The following PTPRD variants were observed in gnomAD, a reference collection of about 807,000 sequenced individuals.
PTPRD encodes the protein receptor-type tyrosine-protein phosphatase delta.
A neutral mutation model predicts 214.5 loss-of-function variants in PTPRD; 34 were observed. The ratio of observed to expected loss-of-function variants is 0.16; its 90% CI spans 0.12 to 0.21. The LOEUF is 0.21. Among genes scored for constraint, PTPRD ranks in the 10% least tolerant of loss-of-function variants. The pLI, the probability that PTPRD is intolerant of heterozygous loss-of-function variation, is 1.00. For synonymous variants in PTPRD, 1,128 were observed against 845.7 expected (o/e 1.33, Z -5.79); for missense variants, 2,545 against 2,398.7 (o/e 1.06, Z -1.27).
intron 3 of PTPRD, among the ~76,000 whole-genome samples, chr9:10,185,667 C>T (rs2099327105): frequency 3.9e-5 from 6 of 152,062 alleles, no homozygotes; most frequent in Admixed American, 3.9e-4. Context: ...TTTTAAATGT[C>T]AGTTATCTTC....
intron 4 of PTPRD, among the ~76,000 whole-genome samples, chr9:9,986,690 A>G (rs2095721640): frequency 6.6e-6 from 1 of 152,188 alleles, no homozygotes; most frequent in Non-Finnish European, 1.5e-5. Flanking sequence ...AAGGCATTCA[A>G]CTGGGTTAAC....
Position 8,683,863 on chromosome 9 carries a change from G to A in PTPRD, c.65-47019C>T, listed in dbSNP as rs543299934. On this transcript the variant is annotated intron_variant, in intron 12 of 45. Coordinates refer to ENST00000381196, the MANE Select transcript of PTPRD (RefSeq NM_002839.4). ...AGAACCAGGAGTCCTGGGCTAAGAC[G>A]TAAGGGTTCCAACTACTCCGAAGCT... 5.3e-5 allele frequency among the ~76,000 whole-genome samples: 8 copies of A among 152,286 alleles called. No individual in the cohort carries two copies. The South Asian group carries it at 1.7e-3, about 32-fold the overall frequency.
chr9:9,199,566 A>G (rs1296214250), intron 9 of PTPRD, among the ~76,000 whole-genome samples: 3 of 152,340 alleles, frequency 2.0e-5, no homozygotes, highest in Non-Finnish European at 4.4e-5. Flanking sequence ...AGTGTTATAA[A>G]GGAAACCAAG....
intron 12 of PTPRD, chr9:8,713,500 T>C: frequency 8.7e-7 from 1 of 1,149,120 alleles, no homozygotes; most frequent in South Asian, 1.2e-5. Flanking sequence ...GACTGTCTAC[T>C]GTGGTCAGGT....
At chr9:10,172,149 A>T (rs750786428) in intron 3 of PTPRD, among the ~76,000 whole-genome samples, 19 of 152,178 alleles carry the variant, frequency 1.2e-4, no homozygotes, top group Non-Finnish European at 2.4e-4. Flanking sequence ...CAACTGAAAA[A>T]GTTACTTGGT....
chr9:8,690,060 A>T (rs2097770843), intron 12 of PTPRD, among the ~76,000 whole-genome samples: 1 of 151,054 alleles, frequency 6.6e-6, no homozygotes, highest in African/African-American at 2.4e-5. Flanking sequence ...GTAAGCCAAG[A>T]TTGTACCACT....
chr9:10,344,866 C>T (rs117267666), intron 2 of PTPRD, among the ~76,000 whole-genome samples: 1,716 of 152,086 alleles, frequency 0.011, 11 homozygotes, highest in Middle Eastern at 0.027. Flanking sequence ...AAAAAGCAAA[C>T]CAAAATCAGA....
chr9:8,683,118 G>T (rs1231224107), intron 12 of PTPRD, among the ~76,000 whole-genome samples: 1 of 152,122 alleles, frequency 6.6e-6, no homozygotes, highest in Non-Finnish European at 1.5e-5. Flanking sequence ...AGAGCAGCAG[G>T]CTTGGAAGAA....
At chr9:9,079,859 T>C (rs145115237) in intron 10 of PTPRD, among the ~76,000 whole-genome samples, 26 of 152,172 alleles carry the variant, frequency 1.7e-4, no homozygotes, top group African/African-American at 5.8e-4. Context: ...TTTCATCCAG[T>C]TCATGAGTTT....
At chr9:9,239,333 GA>G (rs1375865771) in intron 9 of PTPRD, among the ~76,000 whole-genome samples, 10 of 152,062 alleles carry the variant, frequency 6.6e-5, no homozygotes, top group African/African-American at 2.2e-4. Context: ...ATAAAAGTAG[GA>G]ATGTCTTCTG....
chr9:9,452,205 A>G (rs1401271127), intron 8 of PTPRD, among the ~76,000 whole-genome samples: 3 of 151,506 alleles, frequency 2.0e-5, no homozygotes, highest in Non-Finnish European at 3.0e-5. Context: ...ATTTAAACCA[A>G]TAACTATCAT....
At chr9:8,631,595 C>T (rs956391062) in intron 14 of PTPRD, among the ~76,000 whole-genome samples, 2 of 151,702 alleles carry the variant, frequency 1.3e-5, no homozygotes, top group African/African-American at 4.8e-5. Flanking sequence ...ACTATTTGGT[C>T]CTGAGTATTG....
intron 11 of PTPRD, among the ~76,000 whole-genome samples, chr9:8,945,331 C>G (rs1056425940): frequency 4.4e-5 from 5 of 112,552 alleles, no homozygotes; most frequent in African/African-American, 1.4e-4. Flanking sequence ...GGAAAAAAAT[C>G]TCTTTCCTTC....
chr9:9,745,548 A>T (rs752391094), intron 6 of PTPRD, among the ~76,000 whole-genome samples: 4 of 152,144 alleles, frequency 2.6e-5, no homozygotes, highest in Non-Finnish European at 5.9e-5. Context: ...CTGTGTTCCC[A>T]TGATTTTTAT....
chr9:8,477,347 T>G (rs907038273), intron 30 of PTPRD, among the ~76,000 whole-genome samples: 6 of 152,164 alleles, frequency 3.9e-5, no homozygotes, highest in African/African-American at 1.4e-4. Flanking sequence ...CCCAGTATAT[T>G]AGATTTAATT....
At position 8,504,418 on chromosome 9, in the gene PTPRD, A is replaced by AG; in HGVS notation, c.1678-14dup. 3 of 1,614,066 alleles carry AG rather than the reference A, an allele frequency of 1.9e-6. No homozygotes were observed. The East Asian group carries it at 6.7e-5, about 36-fold the overall frequency. On this transcript the variant is annotated splice_polypyrimidine_tract_variant and intron_variant, in intron 22 of 45. Coordinates refer to ENST00000381196, the MANE Select transcript of PTPRD (RefSeq NM_002839.4). ...TGGTAATTCGTTGCTGGAAGCAATA[A>AG]GAGAATGTGGTCATCTTCATTAAGG...
chr9:9,300,494 T>C lies in PTPRD; in HGVS notation c.-203+96955A>G, dbSNP rs553408670. 1.8e-4 allele frequency among the ~76,000 whole-genome samples: 28 copies of C among 151,960 alleles called. No homozygotes were observed. The Middle Eastern group carries it at 0.017, about 92-fold the overall frequency. Reference sequence around the variant, plus strand: ...CTGACAGCAATGGACTGAATGTTTGTGTTCCCCCCAAATTCATGTGTTGAA... The same window carrying C: ...CTGACAGCAATGGACTGAATGTTTGCGTTCCCCCCAAATTCATGTGTTGAA... On this transcript the variant is annotated intron_variant, in intron 9 of 45. Coordinates refer to ENST00000381196, the MANE Select transcript of PTPRD (RefSeq NM_002839.4).
At chr9:9,869,666 C>A (rs1473973488) in intron 5 of PTPRD, among the ~76,000 whole-genome samples, 1 of 151,468 alleles carries the variant, frequency 6.6e-6, no homozygotes, top group Non-Finnish European at 1.5e-5. Context: ...AAACATAAAA[C>A]CTGGGTGAAT....
chr9:10,348,218 T>A (rs1381903596), intron 2 of PTPRD, among the ~76,000 whole-genome samples: 2 of 152,174 alleles, frequency 1.3e-5, no homozygotes, highest in Non-Finnish European at 2.9e-5. Flanking sequence ...GTAGGATTAC[T>A]TTTTTTAAGG....
Sources: gnomAD v4.1 joint callset for allele counts (sites outside exome capture counted in the v4.1 genomes callset) on GRCh38, gnomAD v4.1.1 for gene constraint, MANE v1.5 for transcripts, NCBI Gene and HGNC (gene_info 2026-07-23, HGNC 2026-07-21) for gene names.